MARCHF1: variants seen among roughly 807,000 people sequenced by gnomAD.
MARCHF1 encodes E3 ubiquitin-protein ligase MARCHF1.
MARCHF1 carries 40 observed loss-of-function variants against 54.2 expected under a neutral mutation model. The ratio of observed to expected loss-of-function variants is 0.74; its 90% confidence interval spans 0.57 to 0.96. MARCHF1 has a LOEUF of 0.96. Ranked by LOEUF, MARCHF1 falls within the 40% of genes least tolerant of loss-of-function variation. The pLI, the probability that MARCHF1 is intolerant of heterozygous loss-of-function variation, is 0.00. For missense variants in MARCHF1, 586 were observed against 656.5 expected, an observed-to-expected ratio of 0.89 and a Z score of 1.17; for synonymous variants, 236 against 236.3, an observed-to-expected ratio of 1.00 and a Z score of 0.01.
intron 2 of MARCHF1, among the ~76,000 whole-genome samples, chr4:164,063,816 CT>C (rs796880155): frequency 8.0e-5 from 12 of 149,492 alleles, no homozygotes; most frequent in South Asian, 2.1e-4. Flanking sequence ...GAATAACTGT[CT>C]TTTTTTTTTA....
intron 8 of MARCHF1, among the ~76,000 whole-genome samples, chr4:163,572,577 TA>T (rs899184500): frequency 1.3e-5 from 2 of 152,122 alleles, no homozygotes; most frequent in African/African-American, 4.8e-5. Flanking sequence ...ATATTTTAGT[TA>T]AAAAATGATT....
At chr4:163,717,509 C>G (rs187046684) in intron 4 of MARCHF1, among the ~76,000 whole-genome samples, 1 of 151,932 alleles carries the variant, frequency 6.6e-6, no homozygotes, top group Admixed American at 6.6e-5. Context: ...TGGGTATATA[C>G]GCAGTAATGG....
chr4:163,726,790 A>G (rs1247597610), intron 4 of MARCHF1, among the ~76,000 whole-genome samples: 1 of 152,226 alleles, frequency 6.6e-6, no homozygotes, highest in Non-Finnish European at 1.5e-5. Context: ...GGTTTTGTCC[A>G]TTCTAACAGA....
Position 163,839,252 on chromosome 4 carries a change from C to T in MARCHF1, c.111+14769G>A, listed in dbSNP as rs192581583. ...AAAAAAGAATAGAAATGGAAATTCT[C>T]ATACATTCCTCGTGGAAATTTAAAA... On this transcript the variant is annotated intron_variant, in intron 4 of 9. Transcript: ENST00000514618. 3.9e-5 allele frequency among the ~76,000 whole-genome samples: 6 copies of T among 152,020 alleles called. No individual in the cohort carries two copies. The East Asian group carries it at 9.7e-4, about 24-fold the overall frequency.
At position 163,579,825 on chromosome 4, in the gene MARCHF1, G is replaced by C. The variant is rs147551870; in HGVS notation, c.1191+5924C>G. ...AATGGAATAGCAAATCTACCTCACA[G>C]AATTGGGTTCCTATGATAGGGAAAT... On this transcript the variant is annotated intron_variant, in intron 8 of 9. Transcript: ENST00000514618. Among the ~76,000 whole-genome samples, 9 of 152,238 alleles carry C rather than the reference G, an allele frequency of 5.9e-5. No homozygotes were observed. The East Asian group carries it at 1.7e-3, about 29-fold the overall frequency.
At chr4:163,647,893 T>A (rs966392611) in intron 5 of MARCHF1, among the ~76,000 whole-genome samples, 1 of 148,282 alleles carries the variant, frequency 6.7e-6, no homozygotes, top group Non-Finnish European at 1.5e-5. Flanking sequence ...AAGAAGGAAA[T>A]AATGAAGATC....
At chr4:163,980,451 G>T (rs2110865879) in intron 3 of MARCHF1, among the ~76,000 whole-genome samples, 1 of 150,600 alleles carries the variant, frequency 6.6e-6, no homozygotes, top group African/African-American at 2.4e-5. Flanking sequence ...CAGGACATAG[G>T]CATGGGCAAG....
intron 9 of MARCHF1, among the ~76,000 whole-genome samples, chr4:163,544,950 CT>C (rs1426024487): frequency 3.3e-5 from 5 of 152,156 alleles, no homozygotes; most frequent in South Asian, 2.1e-4. Flanking sequence ...GAACTGGGTC[CT>C]TTCACACATG....
At chr4:164,072,059 C>A (rs983612463) in intron 2 of MARCHF1, among the ~76,000 whole-genome samples, 14 of 151,426 alleles carry the variant, frequency 9.2e-5, no homozygotes, top group African/African-American at 3.4e-4. Flanking sequence ...GTAATAAAAG[C>A]ACTTGTGCTC....
chr4:164,069,362 C>G (rs1048822737), intron 2 of MARCHF1, among the ~76,000 whole-genome samples: 1 of 152,190 alleles, frequency 6.6e-6, no homozygotes, highest in African/African-American at 2.4e-5. Context: ...CCCTTCCACA[C>G]TGCGGAAGCT....
At chr4:163,580,532 C>T (rs1018903438) in intron 8 of MARCHF1, among the ~76,000 whole-genome samples, 1 of 152,106 alleles carries the variant, frequency 6.6e-6, no homozygotes, top group Non-Finnish European at 1.5e-5. Context: ...AAACAACAAA[C>T]CCAGATAGAA....
intron 3 of MARCHF1, among the ~76,000 whole-genome samples, chr4:163,944,531 T>C (rs1751987461): frequency 6.6e-6 from 1 of 152,194 alleles, no homozygotes; most frequent in Non-Finnish European, 1.5e-5. Flanking sequence ...GCTTCCTTCC[T>C]GGTTGGCCAA....
intron 1 of MARCHF1, among the ~76,000 whole-genome samples, chr4:164,272,674 T>C (rs1560982836): frequency 6.7e-6 from 1 of 149,776 alleles, no homozygotes. Flanking sequence ...GGATTTCAAT[T>C]GGAAAAAAAA....
rs139480251 is a variant in MARCHF1 at position 164,024,198 on chromosome 4, A to T, written c.-247-35489T>A. Among the ~76,000 whole-genome samples the T allele has an allele frequency of 5.1e-3, 773 of 152,226 alleles. 6 individuals are homozygous for T. Among genetic ancestry groups the T allele is most frequent in the African/African-American group, 0.018 (739 of 41,556 alleles). On this transcript the variant is annotated intron_variant, in intron 2 of 9. Transcript: ENST00000514618. ...AGTCCATGAAAATTTTTCTGTTCTC[A>T]CTACAGAGCTTGACATACAAATCCA... is the stretch of plus-strand genomic sequence containing the variant.
intron 8 of MARCHF1, among the ~76,000 whole-genome samples, chr4:163,569,333 C>A (rs559797233): frequency 7.2e-5 from 11 of 152,068 alleles, no homozygotes; most frequent in African/African-American, 2.4e-4. Context: ...TTTTTTGTAT[C>A]TTTGAATTCT....
chr4:164,351,020 G>T (rs189515380), intron 1 of MARCHF1, among the ~76,000 whole-genome samples: 1 of 152,082 alleles, frequency 6.6e-6, no homozygotes, highest in South Asian at 2.1e-4. Flanking sequence ...CTGGAAAATC[G>T]GGTTACTCCC....
chr4:163,660,209 A>G (rs1743297040), intron 5 of MARCHF1, among the ~76,000 whole-genome samples: 1 of 152,124 alleles, frequency 6.6e-6, no homozygotes, highest in Non-Finnish European at 1.5e-5. Flanking sequence ...TATATGAAGG[A>G]ATACTATGCA....
intron 8 of MARCHF1, among the ~76,000 whole-genome samples, chr4:163,562,012 C>G (rs975611128): frequency 1.3e-5 from 2 of 152,094 alleles, no homozygotes; most frequent in Non-Finnish European, 2.9e-5. Flanking sequence ...AAACAACACT[C>G]CAGGCCAGGA....
chr4:163,994,177 C>T (rs957570021), intron 2 of MARCHF1, among the ~76,000 whole-genome samples: 46 of 151,740 alleles, frequency 3.0e-4, no homozygotes, highest in African/African-American at 8.2e-4. Context: ...GGAATCATGG[C>T]GGAAGGTCTT....
Sources: gnomAD v4.1 joint callset for allele counts (sites outside exome capture counted in the v4.1 genomes callset) on GRCh38, gnomAD v4.1.1 for gene constraint, MANE v1.5 for transcripts, NCBI Gene and HGNC (gene_info 2026-07-23, HGNC 2026-07-21) for gene names.